CHST8: variants seen among roughly 807,000 people sequenced by gnomAD.
CHST8 encodes carbohydrate sulfotransferase 8, also known as GALNAC-4-ST1.
CHST8 carries 10 observed loss-of-function variants against 15.0 expected under a neutral mutation model. The ratio of observed to expected loss-of-function variants is 0.67; its 90% CI spans 0.41 to 1.13. The LOEUF (loss-of-function observed/expected upper bound fraction) is 1.13. CHST8 is among the 50% of genes most tolerant of loss of function. The pLI is 0.00. For synonymous variants in CHST8, 259 were observed against 256.6 expected, an observed-to-expected ratio of 1.01 and a Z score of -0.09; for missense variants, 634 against 608.2, an observed-to-expected ratio of 1.04 and a Z score of -0.45.
chr19:33,664,862 T>C (rs1972635012), intron 1 of CHST8, among the ~76,000 whole-genome samples: 1 of 152,220 alleles, frequency 6.6e-6, no homozygotes, highest in Admixed American at 6.5e-5. Context: ...TATCTTTCTA[T>C]GCTTGGCTTA....
At chr19:33,737,389 GGGCCACTGAGACACGCATTCGGAACT>G (rs1281680860) in intron 3 of CHST8, among the ~76,000 whole-genome samples, 1 of 152,198 alleles carries the variant, frequency 6.6e-6, no homozygotes, top group Non-Finnish European at 1.5e-5. Context: ...CCCAGGTTCA[GGGCCACTGAGACACGCATTCGGAACT>G]GTCCCTAGCA....
chr19:33,636,579 G>A (rs1306988433), intron 1 of CHST8, among the ~76,000 whole-genome samples: 5 of 152,164 alleles, frequency 3.3e-5, no homozygotes, highest in Admixed American at 3.3e-4. Context: ...ATTCGGGCAA[G>A]TACATACCGT....
intron 1 of CHST8, among the ~76,000 whole-genome samples, chr19:33,660,256 AGGCAT>A (rs2145220718): frequency 6.6e-6 from 1 of 152,320 alleles, no homozygotes; most frequent in Admixed American, 6.5e-5. Context: ...CTGCTTTTTA[AGGCAT>A]GGAAGTTCTT....
intron 3 of CHST8, among the ~76,000 whole-genome samples, chr19:33,719,088 T>C (rs1973727189): frequency 6.6e-6 from 1 of 152,080 alleles, no homozygotes; most frequent in Non-Finnish European, 1.5e-5. Flanking sequence ...AGTGATGTCA[T>C]AGGTGTGACA....
chr19:33,658,078 G>A (rs924677585), intron 1 of CHST8, among the ~76,000 whole-genome samples: 9 of 152,142 alleles, frequency 5.9e-5, no homozygotes, highest in East Asian at 1.9e-4. Flanking sequence ...GGTGGCTCAC[G>A]TCTGTAATCT....
At chr19:33,758,613 T>A (rs1007944617) in intron 3 of CHST8, among the ~76,000 whole-genome samples, 1 of 152,204 alleles carries the variant, frequency 6.6e-6, no homozygotes, top group Non-Finnish European at 1.5e-5. Flanking sequence ...CAAGGCCGGC[T>A]GGAGCTGGAC....
chr19:33,710,192 A>G (rs1261492619), intron 3 of CHST8, among the ~76,000 whole-genome samples: 1 of 152,070 alleles, frequency 6.6e-6, no homozygotes, highest in Non-Finnish European at 1.5e-5. Context: ...CCTCATTTTC[A>G]TTCATGATGT....
intron 3 of CHST8, among the ~76,000 whole-genome samples, chr19:33,742,954 C>G (rs1184042044): frequency 6.6e-6 from 1 of 152,140 alleles, no homozygotes; most frequent in Non-Finnish European, 1.5e-5. Context: ...GTGGCACTGC[C>G]TACATTCAGC....
chr19:33,744,969 G>A (rs139155478), intron 3 of CHST8, among the ~76,000 whole-genome samples: 210 of 152,172 alleles, frequency 1.4e-3, no homozygotes, highest in African/African-American at 4.8e-3. Flanking sequence ...GGGTGGTCTC[G>A]AACTCCTGAC....
intron 3 of CHST8, among the ~76,000 whole-genome samples, chr19:33,729,056 C>T (rs141105446): frequency 1.8e-3 from 279 of 152,284 alleles, no homozygotes; most frequent in African/African-American, 5.3e-3. Context: ...TTCTAGCAGG[C>T]GTGGGCAGAG....
intron 1 of CHST8, among the ~76,000 whole-genome samples, chr19:33,633,821 C>T (rs1429326292): frequency 7.1e-6 from 1 of 140,758 alleles, no homozygotes; most frequent in Non-Finnish European, 1.6e-5. Context: ...GTGTTTAAGA[C>T]AAGATCTCAC....
At chr19:33,681,602 C>A (rs1972890861) in intron 2 of CHST8, among the ~76,000 whole-genome samples, 1 of 152,160 alleles carries the variant, frequency 6.6e-6, no homozygotes, top group Non-Finnish European at 1.5e-5. Flanking sequence ...TGAAAGTAAC[C>A]CTATGCAAAT....
intron 3 of CHST8, among the ~76,000 whole-genome samples, chr19:33,743,960 T>G (rs1285026875): frequency 6.6e-6 from 1 of 151,784 alleles, no homozygotes; most frequent in Non-Finnish European, 1.5e-5. Context: ...CCTGGCTGAT[T>G]TTTGTATTTT....
chr19:33,773,244 C>T lies in CHST8; in HGVS notation c.*181C>T, dbSNP rs1975051242. On this transcript the variant is annotated 3_prime_UTR_variant, in exon 5 of 5. Coordinates refer to ENST00000650847, the MANE Select transcript of CHST8 (RefSeq NM_001127895.2). ...GAGGCGCCCAGCCTTGGATGGGGAC[C>T]CCAGCCCCTGGCCTGTACCTGTTTC... 1 of 665,004 alleles carries T rather than the reference C, an allele frequency of 1.5e-6. No individual in the cohort carries two copies. The highest frequency in any genetic ancestry group is 2.5e-6 in the Non-Finnish European group (1 of 400,164). 41.2% of individuals were successfully genotyped at this position (665,004 alleles called of 1,614,324 possible). A position where few individuals can be genotyped will look rare whatever the true frequency, so the allele number is the denominator to read the frequency against.
intron 1 of CHST8, among the ~76,000 whole-genome samples, chr19:33,635,617 T>C (rs1310995002): frequency 6.6e-6 from 1 of 151,102 alleles, no homozygotes; most frequent in Non-Finnish European, 1.5e-5. Flanking sequence ...GGTGGGGGGG[T>C]GACAACACCT....
intron 3 of CHST8, among the ~76,000 whole-genome samples, chr19:33,719,221 A>G (rs1973730631): frequency 6.9e-6 from 1 of 144,888 alleles, no homozygotes; most frequent in Non-Finnish European, 1.5e-5. Context: ...CCCTTGATAT[A>G]AGGCAAATAC....
intron 1 of CHST8, among the ~76,000 whole-genome samples, chr19:33,657,316 T>G (rs866072723): frequency 3.5e-4 from 53 of 151,248 alleles, no homozygotes; most frequent in Middle Eastern, 3.4e-3. Flanking sequence ...TTGCCCAGGC[T>G]GGAGTGCAGT....
At chr19:33,727,734 G>C (rs772404591) in intron 3 of CHST8, among the ~76,000 whole-genome samples, 1 of 152,228 alleles carries the variant, frequency 6.6e-6, no homozygotes, top group Non-Finnish European at 1.5e-5. Flanking sequence ...AGTAATTACC[G>C]TGACCAGGTG....
chr19:33,688,687 T>C (rs1331654704), intron 2 of CHST8, among the ~76,000 whole-genome samples: 1 of 152,152 alleles, frequency 6.6e-6, no homozygotes, highest in Non-Finnish European at 1.5e-5. Context: ...GCCTGCTCTA[T>C]GGAGACCTTG....
Sources: allele counts gnomAD v4.1 joint callset (sites outside exome capture counted in the v4.1 genomes callset), GRCh38; gene constraint gnomAD v4.1.1; transcripts MANE v1.5; gene names NCBI Gene and HGNC (gene_info 2026-07-23, HGNC 2026-07-21).